KDM2B: variants seen among roughly 807,000 people sequenced by gnomAD.
KDM2B encodes the protein lysine demethylase 2B.
In KDM2B, 26 loss-of-function variants were observed where a neutral mutation model predicts 150.0. That is an observed-to-expected ratio of 0.17 (90% CI 0.13 to 0.24). The LOEUF (loss-of-function observed/expected upper bound fraction) is 0.24, where lower values mean the gene tolerates loss of function less well. Among genes scored for constraint, KDM2B ranks in the 10% least tolerant of loss-of-function variants. The pLI, the probability that KDM2B is intolerant of heterozygous loss-of-function variation, is 1.00. For synonymous variants in KDM2B, 734 were observed against 729.5 expected (o/e 1.01, Z -0.10); for missense variants, 1,265 against 1,816.9 (o/e 0.70, Z 5.52).
At chr12:121,545,703 C>T (rs1888982368) in intron 6 of KDM2B, among the ~76,000 whole-genome samples, 1 of 152,160 alleles carries the variant, frequency 6.6e-6, no homozygotes, top group African/African-American at 2.4e-5. Context: ...CCATCCAATC[C>T]CCATAGCAAC....
chr12:121,440,551 CAGTG>C (rs1414817426), intron 21 of KDM2B: 5 of 463,892 alleles, frequency 1.1e-5, no homozygotes, highest in Middle Eastern at 5.7e-4. Flanking sequence ...AATAAGAAAG[CAGTG>C]AGACACACGC....
chr12:121,440,451 C>G (rs1874803179), intron 21 of KDM2B: 2 of 391,814 alleles, frequency 5.1e-6, no homozygotes, highest in Non-Finnish European at 9.4e-6. Flanking sequence ...CACAACCACA[C>G]TGATCCCGAT....
At chr12:121,581,024 A>G, upstream of KDM2B, 4 of 1,413,594 alleles carry the variant, frequency 2.8e-6, no homozygotes, top group Middle Eastern at 2.6e-4. Flanking sequence ...ACACACGTAC[A>G]GGAAATACAG....
rs1555317886 is a variant in KDM2B at position 121,580,771 on chromosome 12, C to G, written c.126+15G>C. Reference sequence around the variant, plus strand: ...CCTCTTCCTCTTCTTTCATCCACCCCTCCCCCAACATTACCTGTGTGGCCG... The same window carrying G: ...CCTCTTCCTCTTCTTTCATCCACCCGTCCCCCAACATTACCTGTGTGGCCG... On this transcript the variant is annotated intron_variant, in intron 1 of 22. Coordinates refer to ENST00000377071, the MANE Select transcript of KDM2B (RefSeq NM_032590.5). 1 of 1,612,742 alleles carries G rather than the reference C, an allele frequency of 6.2e-7. No homozygotes were observed. The highest frequency in any genetic ancestry group is 1.7e-5 in the Admixed American group (1 of 59,830).
chr12:121,527,602 T>A (rs1555307041), intron 8 of KDM2B, among the ~76,000 whole-genome samples: 1 of 131,428 alleles, frequency 7.6e-6, no homozygotes, highest in Admixed American at 9.4e-5. Context: ...TGCAGTGAGC[T>A]GAGATCGCGC....
intron 12 of KDM2B, among the ~76,000 whole-genome samples, chr12:121,475,160 T>C (rs1266291086): frequency 6.6e-6 from 1 of 151,020 alleles, no homozygotes; most frequent in Admixed American, 6.7e-5. Context: ...AATGTATCCC[T>C]GTCATTAAAC....
intron 6 of KDM2B, among the ~76,000 whole-genome samples, chr12:121,546,379 C>CTTTTTTTTTTTTTTTTT (rs371614406): frequency 2.1e-5 from 2 of 97,478 alleles, no homozygotes; most frequent in Non-Finnish European, 3.7e-5. Flanking sequence ...TTTTTTTTGC[C>CTTTTTTTTTTTTTTTTT]TTTTTTTTTT....
At chr12:121,495,947 T>C (rs1473572417) in intron 11 of KDM2B, among the ~76,000 whole-genome samples, 1 of 151,952 alleles carries the variant, frequency 6.6e-6, no homozygotes, top group Admixed American at 6.6e-5. Context: ...CTGTGTTCAC[T>C]CTCGGTGAGC....
At chr12:121,423,867 T>A in the KDM2B span, 5 of 359,030 alleles carry the variant, frequency 1.4e-5, no homozygotes, top group African/African-American at 2.1e-5. This position sits in a 1 kb window ranked among gnomAD's most constrained non-coding sequence, Gnocchi z 4.3. Context: ...CAGCCACTGC[T>A]GTCTTGGGAG....
At chr12:121,486,454 C>T (rs1882774290) in intron 12 of KDM2B, among the ~76,000 whole-genome samples, 2 of 141,314 alleles carry the variant, frequency 1.4e-5, no homozygotes, top group Admixed American at 1.6e-4. Flanking sequence ...GCTGAGATTA[C>T]AGGCGTGAGC....
At chr12:121,544,213 G>A (rs562760934) in intron 6 of KDM2B, among the ~76,000 whole-genome samples, 3 of 152,094 alleles carry the variant, frequency 2.0e-5, no homozygotes, top group Non-Finnish European at 4.4e-5. Context: ...GAGGTAGGAG[G>A]AGTCCTGGGA....
At chr12:121,441,582 G>A (rs1212676925) in intron 19 of KDM2B, among the ~76,000 whole-genome samples, 1 of 152,078 alleles carries the variant, frequency 6.6e-6, no homozygotes, top group African/African-American at 2.4e-5. Context: ...GATTACAGGT[G>A]TGCGCCACCA....
intron 6 of KDM2B, chr12:121,536,111 G>A (rs782232855): frequency 5.1e-6 from 5 of 985,550 alleles, no homozygotes; most frequent in African/African-American, 1.7e-5. Flanking sequence ...GCAGCGCGCC[G>A]GCACGAGTGG....
chr12:121,548,857 C>T lies in KDM2B; in HGVS notation c.683+20G>A. The T allele has an allele frequency of 3.1e-6, 5 of 1,598,990 alleles. No individual in the cohort carries two copies. The highest frequency in any genetic ancestry group is 4.3e-6 in the Non-Finnish European group (5 of 1,166,230). ...GGGGGTCAACCCTGCCAGCTCTGGC[C>T]ACCAGCCAGGCAGTCTTACTTTTTC... On this transcript the variant is annotated intron_variant, in intron 6 of 22. Coordinates refer to ENST00000377071, the MANE Select transcript of KDM2B (RefSeq NM_032590.5).
chr12:121,563,561 C>T (rs1323101009), intron 4 of KDM2B, among the ~76,000 whole-genome samples: 6 of 151,502 alleles, frequency 4.0e-5, no homozygotes, highest in Non-Finnish European at 7.4e-5. Flanking sequence ...GACCCAAGAT[C>T]GCACCACTGC....
chr12:121,444,346 G>T, intron 15 of KDM2B, 74 bp from the exon 16 acceptor site: 1 of 1,606,354 alleles, frequency 6.2e-7, no homozygotes, highest in Non-Finnish European at 8.5e-7. Context: ...TCCCCAGGCC[G>T]ACGGCAACCC....
At chr12:121,426,557 C>T (rs190187582), downstream of KDM2B, among the ~76,000 whole-genome samples, 9 of 151,480 alleles carry the variant, frequency 5.9e-5, no homozygotes, top group East Asian at 1.2e-3. Context: ...GCAGCCCTCC[C>T]GCCTCAGCCT....
intron 6 of KDM2B, chr12:121,536,117 A>T (rs1555308679): frequency 4.1e-6 from 4 of 985,404 alleles, no homozygotes; most frequent in African/African-American, 1.7e-5. Flanking sequence ...CGCCGGCACG[A>T]GTGGAGATAA....
At chr12:121,545,691 C>T (rs572445380) in intron 6 of KDM2B, among the ~76,000 whole-genome samples, 6 of 152,324 alleles carry the variant, frequency 3.9e-5, no homozygotes, top group Non-Finnish European at 4.4e-5. Context: ...CGTGCCCCCA[C>T]GCCATCCAAT....
Sources: gnomAD v4.1 joint callset for allele counts (sites outside exome capture counted in the v4.1 genomes callset) on GRCh38, gnomAD v4.1.1 for gene constraint, Gnocchi (gnomAD v3.1) non-coding constraint, MANE v1.5 for transcripts, NCBI Gene and HGNC (gene_info 2026-07-23, HGNC 2026-07-21) for gene names.